The following MYRIP variants were observed in gnomAD, a reference collection of about 807,000 sequenced individuals.
MYRIP encodes myosin VIIA and Rab interacting protein.
MYRIP carries 49 observed loss-of-function variants against 98.0 expected under a neutral mutation model. The ratio of observed to expected loss-of-function variants is 0.50; its 90% CI spans 0.40 to 0.63. MYRIP has a LOEUF of 0.63. Ranked by LOEUF, MYRIP falls within the 30% of genes least tolerant of loss-of-function variation. The probability of loss-of-function intolerance (pLI) is 0.00; values close to 1 mark genes in which losing one functional copy is unlikely to be tolerated. For missense variants in MYRIP, 1,004 were observed against 1,058.2 expected (o/e 0.95, Z 0.71); for synonymous variants, 404 against 409.5 (o/e 0.99, Z 0.16).
intron 3 of MYRIP, among the ~76,000 whole-genome samples, chr3:40,046,833 GAAGT>G (rs1300943707): frequency 6.6e-6 from 1 of 151,910 alleles, no homozygotes; most frequent in African/African-American, 2.4e-5. Context: ...CAAATAAAAG[GAAGT>G]ATCAGTACCT....
chr3:39,899,198 AAAT>A (rs1252145295), intron 1 of MYRIP, among the ~76,000 whole-genome samples: 1 of 152,196 alleles, frequency 6.6e-6, no homozygotes, highest in Non-Finnish European at 1.5e-5. Context: ...ATCTAAAAAA[AAAT>A]AATACTTGTA....
At chr3:39,967,873 G>A (rs955176044) in intron 2 of MYRIP, among the ~76,000 whole-genome samples, 1 of 152,046 alleles carries the variant, frequency 6.6e-6, no homozygotes, top group East Asian at 1.9e-4. Flanking sequence ...TTGGCCACAC[G>A]TTATGTCTTC....
rs998269477 is a variant in MYRIP at position 40,259,007 on chromosome 3, C to T, written c.*841C>T. Reference sequence around the variant, plus strand: ...ACATGATGTGGTTTAGCAGTGATCACATCTAAACAAAGTTTAGGTAAATGA... The same window carrying T: ...ACATGATGTGGTTTAGCAGTGATCATATCTAAACAAAGTTTAGGTAAATGA... On this transcript the variant is annotated 3_prime_UTR_variant, in exon 17 of 17. Coordinates refer to ENST00000302541, the MANE Select transcript of MYRIP (RefSeq NM_015460.4). 5.3e-5 allele frequency: 8 copies of T among 152,188 alleles called. No individual in the cohort carries two copies. The highest frequency in any genetic ancestry group is 1.0e-4 in the Non-Finnish European group (7 of 68,034). 9.4% of individuals were successfully genotyped at this position (152,188 alleles called of 1,614,324 possible). A position where few individuals can be genotyped will look rare whatever the true frequency, so the allele number is the denominator to read the frequency against.
intron 2 of MYRIP, among the ~76,000 whole-genome samples, chr3:40,012,959 C>T (rs1459147639): frequency 6.6e-6 from 1 of 152,210 alleles, no homozygotes; most frequent in Non-Finnish European, 1.5e-5. Flanking sequence ...ATCACACCTG[C>T]ATTCCACTCC....
intron 1 of MYRIP, among the ~76,000 whole-genome samples, chr3:39,898,137 G>A (rs1285796257): frequency 1.3e-5 from 2 of 152,106 alleles, no homozygotes; most frequent in Non-Finnish European, 2.9e-5. Flanking sequence ...TGGGTAGGAT[G>A]TTACTTCTAA....
At chr3:40,256,421 T>C (rs1953590793) in intron 16 of MYRIP, among the ~76,000 whole-genome samples, 1 of 152,170 alleles carries the variant, frequency 6.6e-6, no homozygotes, top group South Asian at 2.1e-4. Flanking sequence ...ATTAAATATT[T>C]TGTTCCTTGT....
At chr3:39,845,967 C>A (rs975847141) in intron 1 of MYRIP, among the ~76,000 whole-genome samples, 3 of 152,040 alleles carry the variant, frequency 2.0e-5, no homozygotes, top group African/African-American at 7.2e-5. Context: ...ATGAGATGAC[C>A]TTCCTGCAGT....
intron 10 of MYRIP, among the ~76,000 whole-genome samples, chr3:40,201,340 A>AGG (rs903046618): frequency 2.6e-5 from 4 of 152,274 alleles, no homozygotes; most frequent in African/African-American, 7.2e-5. Flanking sequence ...CACACAGAGG[A>AGG]GGGGTGGATA....
intron 4 of MYRIP, among the ~76,000 whole-genome samples, chr3:40,154,567 G>T (rs1392566750): frequency 7.2e-5 from 11 of 152,114 alleles, no homozygotes; most frequent in African/African-American, 2.2e-4. Context: ...TTTATTTTAA[G>T]TTCTGGGATA....
At chr3:39,955,364 G>A (rs1423326868) in intron 2 of MYRIP, among the ~76,000 whole-genome samples, 10 of 152,100 alleles carry the variant, frequency 6.6e-5, no homozygotes, top group Admixed American at 2.6e-4. Context: ...GAGAGTGGGG[G>A]CCAATATTCA....
rs766775104 is a variant in MYRIP at position 40,212,225 on chromosome 3, TACACACACAC to T, written c.1905+2144_1905+2153del. Among the ~76,000 whole-genome samples, 83 of 76,910 alleles carry T rather than the reference TACACACACAC, an allele frequency of 1.1e-3. 25 individuals are homozygous for T. The highest frequency in any genetic ancestry group is 1.8e-3 in the Non-Finnish European group (57 of 31,524). The allele number at this position is 76,910 out of a possible 152,430, so 50.5% of individuals were successfully genotyped here. On this transcript the variant is annotated intron_variant, in intron 11 of 16. Coordinates refer to ENST00000302541, the MANE Select transcript of MYRIP (RefSeq NM_015460.4). ...ATATACGTGTGTGTATATATATATA[TACACACACAC>T]ACACACACACATATATATATATACA...
chr3:39,951,752 T>A (rs1348461413), intron 2 of MYRIP, among the ~76,000 whole-genome samples: 1 of 152,174 alleles, frequency 6.6e-6, no homozygotes, highest in Non-Finnish European at 1.5e-5. Context: ...AGGTCATAGT[T>A]TGCTGACCCC....
chr3:40,128,097 T>C (rs544890938), intron 3 of MYRIP, among the ~76,000 whole-genome samples: 27 of 152,350 alleles, frequency 1.8e-4, no homozygotes, highest in African/African-American at 6.3e-4. Context: ...TCTATACTGT[T>C]GTGTCAAACC....
At chr3:39,901,609 G>C (rs1943745242) in intron 2 of MYRIP, among the ~76,000 whole-genome samples, 1 of 152,112 alleles carries the variant, frequency 6.6e-6, no homozygotes, top group Non-Finnish European at 1.5e-5. Flanking sequence ...CTGATGGTAG[G>C]TCAGTATTAG....
rs564135177 is a variant in MYRIP, at chr3:39,975,069, A to C, written c.111-68981A>C. ...GGGCAATCAGGCAGGAGAAGGAAATAAAGGGTATTCAATTAGGAAAAAGAG... is the reference window on the plus strand; with the variant it reads ...GGGCAATCAGGCAGGAGAAGGAAATCAAGGGTATTCAATTAGGAAAAAGAG... On this transcript the variant is annotated intron_variant, in intron 2 of 16. Transcript: ENST00000302541. 1.2e-4 allele frequency among the ~76,000 whole-genome samples: 19 copies of C among 152,322 alleles called. 1 individual carries two copies. In the South Asian group the frequency reaches 3.9e-3, roughly 32 times the overall value.
chr3:39,870,565 A>G (rs1044497407), intron 1 of MYRIP, among the ~76,000 whole-genome samples: 3 of 152,156 alleles, frequency 2.0e-5, no homozygotes, highest in Admixed American at 2.0e-4. Flanking sequence ...GTTTTAGGAA[A>G]TATTTCTCTA....
At chr3:39,977,639 G>A (rs1441583768) in intron 2 of MYRIP, among the ~76,000 whole-genome samples, 1 of 152,138 alleles carries the variant, frequency 6.6e-6, no homozygotes, top group Non-Finnish European at 1.5e-5. Flanking sequence ...GTGAAATGGA[G>A]ATCTCCATAA....
intron 3 of MYRIP, among the ~76,000 whole-genome samples, chr3:40,120,974 C>T (rs936917956): frequency 2.0e-5 from 3 of 152,028 alleles, no homozygotes; most frequent in Admixed American, 6.6e-5. Context: ...GAATATGAGT[C>T]GAGCTCACTG....
chr3:39,940,594 ACTTAT>A (rs770635725), intron 2 of MYRIP, among the ~76,000 whole-genome samples: 3 of 152,080 alleles, frequency 2.0e-5, no homozygotes, highest in Non-Finnish European at 4.4e-5. Flanking sequence ...CTATTTCTTC[ACTTAT>A]CTTAATGGAG....
Sources: allele counts gnomAD v4.1 joint callset (sites outside exome capture counted in the v4.1 genomes callset), GRCh38; gene constraint gnomAD v4.1.1; transcripts MANE v1.5; gene names NCBI Gene and HGNC (gene_info 2026-07-23, HGNC 2026-07-21).